The following SLC9A9 variants were observed in gnomAD, a reference collection of about 807,000 sequenced individuals.
SLC9A9 encodes the protein solute carrier family 9 member A9.
SLC9A9 carries 62 observed loss-of-function variants against 77.8 expected under a neutral mutation model. The observed-to-expected ratio is 0.80, with a 90% confidence interval of 0.65 to 0.98. The LOEUF (loss-of-function observed/expected upper bound fraction) is 0.98. Among genes scored for constraint, SLC9A9 ranks in the 50% least tolerant of loss-of-function variants. SLC9A9 has a pLI of 0.00. For missense variants in SLC9A9, 775 were observed against 774.9 expected, an observed-to-expected ratio of 1.00 and a Z score of 0.00; for synonymous variants, 320 against 283.5, an observed-to-expected ratio of 1.13 and a Z score of -1.29.
chr3:143,684,767 A>G (rs2108776094), intron 5 of SLC9A9, among the ~76,000 whole-genome samples: 1 of 152,188 alleles, frequency 6.6e-6, no homozygotes, highest in Non-Finnish European at 1.5e-5. Flanking sequence ...ATAGATATTT[A>G]CCCTCTTTTA....
chr3:143,616,853 C>T (rs1033267790), intron 6 of SLC9A9, among the ~76,000 whole-genome samples: 1 of 152,070 alleles, frequency 6.6e-6, no homozygotes, highest in African/African-American at 2.4e-5. Flanking sequence ...CTAAATTTTA[C>T]GTGTATCTTT....
At chr3:143,534,756 A>C (rs755548465) in intron 9 of SLC9A9, among the ~76,000 whole-genome samples, 1 of 152,202 alleles carries the variant, frequency 6.6e-6, no homozygotes, top group African/African-American at 2.4e-5. Flanking sequence ...CTGGTCAACA[A>C]GTTGGGATGC....
intron 4 of SLC9A9, among the ~76,000 whole-genome samples, chr3:143,728,184 C>G (rs971529799): frequency 5.3e-5 from 8 of 152,108 alleles, no homozygotes; most frequent in African/African-American, 1.7e-4. Context: ...AGGTGCTGCC[C>G]TTTTTGGGAG....
intron 13 of SLC9A9, among the ~76,000 whole-genome samples, chr3:143,372,782 A>C (rs1439119317): frequency 6.6e-6 from 1 of 152,194 alleles, no homozygotes; most frequent in African/African-American, 2.4e-5. Flanking sequence ...TAATCCCATC[A>C]AAAGGTGGAC....
chr3:143,824,118 C>T (rs2009240431), intron 2 of SLC9A9, among the ~76,000 whole-genome samples: 1 of 152,172 alleles, frequency 6.6e-6, no homozygotes, highest in South Asian at 2.1e-4. Context: ...ATGGCACTTC[C>T]TGCCCCTAGG....
chr3:143,421,837 G>A (rs1339326837), intron 12 of SLC9A9, among the ~76,000 whole-genome samples: 1 of 152,086 alleles, frequency 6.6e-6, no homozygotes, highest in Non-Finnish European at 1.5e-5. Context: ...TGCAAACTAT[G>A]CAGTCAACAA....
At chr3:143,363,273 A>G (rs937984629) in intron 14 of SLC9A9, among the ~76,000 whole-genome samples, 1 of 152,240 alleles carries the variant, frequency 6.6e-6, no homozygotes, top group East Asian at 1.9e-4. Flanking sequence ...TTTGACTCTG[A>G]GAAGTTTCAC....
intron 5 of SLC9A9, among the ~76,000 whole-genome samples, chr3:143,671,809 C>A (rs2039159083): frequency 6.6e-6 from 1 of 152,184 alleles, no homozygotes; most frequent in Non-Finnish European, 1.5e-5. Context: ...TCTCTAGAAG[C>A]CTGCTGGCTT....
At chr3:143,284,845 A>G (rs1938334740) in intron 14 of SLC9A9, among the ~76,000 whole-genome samples, 1 of 152,196 alleles carries the variant, frequency 6.6e-6, no homozygotes, top group Non-Finnish European at 1.5e-5. Context: ...CTACCCCACA[A>G]TGAAGTCGTC....
At chr3:143,368,313 C>G (rs1225900877) in intron 13 of SLC9A9, among the ~76,000 whole-genome samples, 1 of 152,046 alleles carries the variant, frequency 6.6e-6, no homozygotes, top group African/African-American at 2.4e-5. Context: ...TGAGAGAAAA[C>G]AAAAGGTTCT....
chr3:143,422,255 T>C (rs2034313175), intron 12 of SLC9A9, among the ~76,000 whole-genome samples: 1 of 152,074 alleles, frequency 6.6e-6, no homozygotes, highest in Non-Finnish European at 1.5e-5. Context: ...TAGGTATGTA[T>C]CCAAAGGAAA....
chr3:143,751,339 T>C (rs2006710020), intron 4 of SLC9A9, among the ~76,000 whole-genome samples: 1 of 152,184 alleles, frequency 6.6e-6, no homozygotes. Context: ...CATCTCCCTT[T>C]GAAGATGTAG....
chr3:143,472,606 G>A (rs2035397376), intron 11 of SLC9A9, among the ~76,000 whole-genome samples: 1 of 152,144 alleles, frequency 6.6e-6, no homozygotes, highest in Non-Finnish European at 1.5e-5. Flanking sequence ...CACAATCCCT[G>A]TTTGCCCTAT....
chr3:143,751,623 C>A (rs767375867), intron 4 of SLC9A9, among the ~76,000 whole-genome samples: 1 of 152,126 alleles, frequency 6.6e-6, no homozygotes, highest in Non-Finnish European at 1.5e-5. Context: ...TACCTCCCAC[C>A]GCTTCTTTCC....
At chr3:143,436,764 G>C (rs1445871139) in intron 12 of SLC9A9, among the ~76,000 whole-genome samples, 2 of 152,218 alleles carry the variant, frequency 1.3e-5, no homozygotes, top group Non-Finnish European at 1.5e-5. Context: ...AAGAGAGAAG[G>C]CAAATGCTCA....
intron 14 of SLC9A9, among the ~76,000 whole-genome samples, chr3:143,362,706 A>G (rs2032785143): frequency 1.3e-5 from 2 of 152,310 alleles, no homozygotes; most frequent in East Asian, 3.9e-4. Context: ...AAAACTAGCT[A>G]CAAAGACCCA....
At chr3:143,584,587 T>G (rs2037510995) in intron 6 of SLC9A9, among the ~76,000 whole-genome samples, 1 of 152,246 alleles carries the variant, frequency 6.6e-6, no homozygotes, top group Non-Finnish European at 1.5e-5. Context: ...CCTTCCATTT[T>G]CTCTGCCAAA....
At chr3:143,363,055 C>T (rs1384394655) in intron 14 of SLC9A9, among the ~76,000 whole-genome samples, 1 of 152,100 alleles carries the variant, frequency 6.6e-6, no homozygotes, top group African/African-American at 2.4e-5. Context: ...AACAAAAACA[C>T]ACAAATGGGT....
intron 4 of SLC9A9, among the ~76,000 whole-genome samples, chr3:143,770,773 T>C (rs563848295): frequency 6.6e-6 from 1 of 152,072 alleles, no homozygotes; most frequent in African/African-American, 2.4e-5. Flanking sequence ...CCAGGAAATA[T>C]ATTTGCAACT....
Sources: gnomAD v4.1 joint callset for allele counts (sites outside exome capture counted in the v4.1 genomes callset) on GRCh38, gnomAD v4.1.1 for gene constraint, MANE v1.5 for transcripts, NCBI Gene and HGNC (gene_info 2026-07-23, HGNC 2026-07-21) for gene names.